EDARADD: variants seen among roughly 807,000 people sequenced by gnomAD.
EDARADD encodes the protein ectodysplasin-A receptor-associated adapter protein.
Under a neutral mutation model 25.6 loss-of-function variants are expected in EDARADD, and 20 were observed. The observed-to-expected ratio is 0.78, with a 90% CI of 0.55 to 1.14. The LOEUF (loss-of-function observed/expected upper bound fraction) is 1.14. EDARADD is among the 50% of genes most tolerant of loss of function. The pLI is 0.00. For missense variants in EDARADD, 225 were observed against 270.1 expected, an observed-to-expected ratio of 0.83 and a Z score of 1.17; for synonymous variants, 86 against 94.4, an observed-to-expected ratio of 0.91 and a Z score of 0.52.
chr1:236,452,892 C>T (rs1440369385), intron 4 of EDARADD, among the ~76,000 whole-genome samples: 5 of 152,252 alleles, frequency 3.3e-5, no homozygotes, highest in East Asian at 1.9e-4. Flanking sequence ...CAGTCTCCGC[C>T]GTATAGCTAC....
intron 3 of EDARADD, among the ~76,000 whole-genome samples, chr1:236,385,089 C>CTTTTTTTTTTTTGTTTTT (rs1667336313): frequency 8.2e-6 from 1 of 121,988 alleles, no homozygotes; most frequent in African/African-American, 3.4e-5. Context: ...CCTTTTGATT[C>CTTTTTTTTTTTTGTTTTT]TTTTTTTTTT....
chr1:236,394,428 C>G lies in EDARADD; in HGVS notation c.-17C>G. Reference sequence around the variant, plus strand: ...TGGCAAACTCCAGAGAATTAAGAAGCCAAACTCAACATCGCCATGGGCCTC... The same window carrying G: ...TGGCAAACTCCAGAGAATTAAGAAGGCAAACTCAACATCGCCATGGGCCTC... On this transcript the variant is annotated 5_prime_UTR_variant, in exon 1 of 6. Coordinates refer to ENST00000334232, the MANE Select transcript of EDARADD (RefSeq NM_145861.4). 4 of 1,613,972 alleles carry G rather than the reference C, an allele frequency of 2.5e-6. No homozygotes were observed. Among genetic ancestry groups the G allele is most frequent in the Non-Finnish European group, 3.4e-6 (4 of 1,179,910 alleles).
At position 236,483,039 on chromosome 1, in the gene EDARADD, A is replaced by G; in HGVS notation, c.*390A>G. On this transcript the variant is annotated 3_prime_UTR_variant, in exon 6 of 6. Transcript: ENST00000334232. ...ACATACCCACAGCATTATATGTAAC[A>G]TCTCTCCTGATCAGTGCCATTCCCA... The G allele has an allele frequency of 3.0e-6, 2 of 664,106 alleles. No individual in the cohort carries two copies. Among genetic ancestry groups the G allele is most frequent in the South Asian group, 1.8e-5 (1 of 54,452 alleles). The allele number at this position is 664,106 out of a possible 1,614,324, so 41.1% of individuals were successfully genotyped here. A position where few individuals can be genotyped will look rare whatever the true frequency, so the allele number is the denominator to read the frequency against.
intron 3 of EDARADD, among the ~76,000 whole-genome samples, chr1:236,363,119 T>G (rs1667075248): frequency 6.8e-6 from 1 of 146,896 alleles, no homozygotes. Flanking sequence ...TCTCCTGCCT[T>G]GGCCTCCCAA....
chr1:236,375,823 G>A (rs1667217903), intron 3 of EDARADD, among the ~76,000 whole-genome samples: 1 of 151,674 alleles, frequency 6.6e-6, no homozygotes, highest in Non-Finnish European at 1.5e-5. Flanking sequence ...GGAGGTCAGG[G>A]CTACAGTGAG....
intron 5 of EDARADD, among the ~76,000 whole-genome samples, chr1:236,477,998 G>A (rs1659557470): frequency 6.6e-6 from 1 of 152,114 alleles, no homozygotes; most frequent in South Asian, 2.1e-4. Flanking sequence ...AACTACTCAG[G>A]AGGCTGAGGC....
intron 2 of EDARADD, among the ~76,000 whole-genome samples, chr1:236,411,551 T>C (rs568278722): frequency 2.7e-4 from 41 of 150,644 alleles, no homozygotes; most frequent in Non-Finnish European, 1.6e-4. Context: ...CTTCTTCTTT[T>C]TTTTTTTTGA....
At chr1:236,364,072 A>G (rs1287724343) in intron 3 of EDARADD, among the ~76,000 whole-genome samples, 5 of 152,110 alleles carry the variant, frequency 3.3e-5, no homozygotes, top group South Asian at 4.2e-4. Context: ...GAATCACTTG[A>G]ACCCAGGAGG....
intron 3 of EDARADD, among the ~76,000 whole-genome samples, chr1:236,415,288 G>T (rs995596987): frequency 6.6e-6 from 1 of 152,152 alleles, no homozygotes; most frequent in Non-Finnish European, 1.5e-5. Context: ...AGACAAAGGG[G>T]TGAGGGATGC....
chr1:236,402,523 C>T (rs1256009167), intron 1 of EDARADD, among the ~76,000 whole-genome samples: 1 of 152,142 alleles, frequency 6.6e-6, no homozygotes, highest in African/African-American at 2.4e-5. Flanking sequence ...AGCCACTGCA[C>T]TCCAGCCTGG....
intron 3 of EDARADD, among the ~76,000 whole-genome samples, chr1:236,363,940 C>A (rs1436221506): frequency 6.6e-6 from 1 of 151,212 alleles, no homozygotes; most frequent in Non-Finnish European, 1.5e-5. Context: ...CCAAGGTGGG[C>A]AGATCACTTG....
upstream of EDARADD, among the ~76,000 whole-genome samples, chr1:236,389,896 A>C (rs963691698): frequency 2.0e-5 from 3 of 152,060 alleles, no homozygotes; most frequent in Admixed American, 6.6e-5. Context: ...GTAGTCCCAG[A>C]CACTCAAGAG....
In EDARADD at chr1:236,426,420, C is replaced by T. The variant is rs573243630; in HGVS notation, c.161-972C>T. ...ATATGCACAGCCCAGGGGAGGAGGACACTGCCCATCACACAGAGCCACGCA... is the reference window on the plus strand; with the variant it reads ...ATATGCACAGCCCAGGGGAGGAGGATACTGCCCATCACACAGAGCCACGCA... On this transcript the variant is annotated intron_variant, in intron 3 of 5. Transcript: ENST00000334232. Among the ~76,000 whole-genome samples the T allele has an allele frequency of 4.6e-5, 7 of 152,288 alleles. No homozygotes were observed. In the South Asian group the frequency reaches 1.4e-3, roughly 32 times the overall value.
In EDARADD at chr1:236,361,635, T is replaced by TTATATATATATATATATATATA. The variant is rs146661697; in HGVS notation, c.-6+10811_-6+10812insATATATATATATATATATATAT. 2.1e-3 allele frequency among the ~76,000 whole-genome samples: 288 copies of TTATATATATATATATATATATA among 134,176 alleles called. 8 individuals are homozygous for TTATATATATATATATATATATA. Among genetic ancestry groups the TTATATATATATATATATATATA allele is most frequent in the East Asian group, 0.011 (52 of 4,618 alleles). The allele number at this position is 134,176 out of a possible 152,430, so 88.0% of individuals were successfully genotyped here. A position where few individuals can be genotyped will look rare whatever the true frequency, so the allele number is the denominator to read the frequency against. The stretch of plus-strand genomic sequence containing the variant: ...GTGAGCCACCACGCACAGCCAAATT[T>TTATATATATATATATATATATA]TATATATATATATATTCCTTCATAC... On this transcript the variant is annotated intron_variant, in intron 3 of 7. Transcript: ENST00000439430.
Position 236,482,784 on chromosome 1 carries a change from G to A in EDARADD, c.*135G>A. On this transcript the variant is annotated 3_prime_UTR_variant, in exon 6 of 6. Transcript: ENST00000334232. ...TGGACACTGGTTTTCCCCAAAGCTG[G>A]CAGTTTTGTGGAGGGGTAGCTTGTT... 2 of 1,331,306 alleles carry A rather than the reference G, an allele frequency of 1.5e-6. No individual in the cohort carries two copies. Among genetic ancestry groups the A allele is most frequent in the Non-Finnish European group, 2.1e-6 (2 of 955,298 alleles). 82.5% of individuals were successfully genotyped at this position (1,331,306 alleles called of 1,614,324 possible).
intron 3 of EDARADD, among the ~76,000 whole-genome samples, chr1:236,365,195 T>G (rs1374292974): frequency 6.6e-6 from 1 of 151,938 alleles, no homozygotes; most frequent in African/African-American, 2.4e-5. Context: ...ACAGGGTCTT[T>G]CTCTGTCACT....
intron 3 of EDARADD, chr1:236,350,926 T>A (rs1666908504): frequency 6.6e-6 from 1 of 152,188 alleles, no homozygotes; most frequent in African/African-American, 2.4e-5. Context: ...AGCCAATCAA[T>A]AGCTTATATT....
intron 1 of EDARADD, among the ~76,000 whole-genome samples, chr1:236,406,555 C>T (rs1667743451): frequency 6.6e-6 from 1 of 152,170 alleles, no homozygotes; most frequent in African/African-American, 2.4e-5. Flanking sequence ...GCGGCTGTAA[C>T]ACAGTGCTAT....
At chr1:236,439,068 T>G (rs1658337455) in intron 4 of EDARADD, among the ~76,000 whole-genome samples, 1 of 152,260 alleles carries the variant, frequency 6.6e-6, no homozygotes, top group African/African-American at 2.4e-5. Flanking sequence ...TACTTTTGCC[T>G]TTTGCAGAAT....
Sources: gnomAD v4.1 joint callset for allele counts (sites outside exome capture counted in the v4.1 genomes callset) on GRCh38, gnomAD v4.1.1 for gene constraint, MANE v1.5 for transcripts, NCBI Gene and HGNC (gene_info 2026-07-23, HGNC 2026-07-21) for gene names.